The following AGAP1 variants were observed in gnomAD, a reference collection of about 807,000 sequenced individuals.
The protein encoded by AGAP1 is ArfGAP with GTPase domain, ankyrin repeat and PH domain 1, also known as arf-GAP with GTPase, ANK repeat and PH domain-containing protein 1.
A neutral mutation model predicts 105.3 loss-of-function variants in AGAP1; 29 were observed. The ratio of observed to expected loss-of-function variants is 0.28; its 90% CI spans 0.21 to 0.38. The LOEUF is 0.38. Ranked by LOEUF, AGAP1 falls within the 10% of genes least tolerant of loss-of-function variation. The pLI, the probability that AGAP1 is intolerant of heterozygous loss-of-function variation, is 1.00. For synonymous variants in AGAP1, 509 were observed against 485.9 expected, an observed-to-expected ratio of 1.05 and a Z score of -0.63; for missense variants, 998 against 1,165.1, an observed-to-expected ratio of 0.86 and a Z score of 2.09.
intron 1 of AGAP1, among the ~76,000 whole-genome samples, chr2:235,543,767 C>G (rs1270138508): frequency 6.6e-6 from 1 of 152,160 alleles, no homozygotes; most frequent in Admixed American, 6.5e-5. Context: ...AGGAACAGCA[C>G]GAGAGCTCCT....
intron 1 of AGAP1, among the ~76,000 whole-genome samples, chr2:235,591,765 T>C (rs908494337): frequency 1.3e-5 from 2 of 152,012 alleles, no homozygotes; most frequent in African/African-American, 2.4e-5. Flanking sequence ...AGAGGTCTGT[T>C]TTGTTTTGTT....
rs1952047913 is a variant in AGAP1 at position 235,733,161 on chromosome 2, A to G, written c.311-7802A>G. On this transcript the variant is annotated intron_variant, in intron 3 of 17. Transcript: ENST00000304032. This position sits in a 1 kb window ranked among gnomAD's most constrained non-coding sequence, Gnocchi z 5.0. ...CCATCCTGCGGGGTGGGAGGAATAT[A>G]TCATTGTTCCCCTTGAGGTGCCCCC... Among the ~76,000 whole-genome samples, 1 of 152,134 alleles carries G rather than the reference A, an allele frequency of 6.6e-6. No homozygotes were observed.
chr2:236,043,105 A>G (rs2057604383), intron 15 of AGAP1, among the ~76,000 whole-genome samples: 1 of 152,244 alleles, frequency 6.6e-6, no homozygotes. Flanking sequence ...CACATTGGCA[A>G]GGATTTGTTA....
Position 235,609,943 on chromosome 2 carries a change from C to G in AGAP1, c.164-99236C>G, listed in dbSNP as rs1246771393. ...GGTGCAGGGAGTGAGTGGCCAACCA[C>G]CTGAGAATACCTGGTGTTTCCTTCC... is the stretch of plus-strand genomic sequence containing the variant. On this transcript the variant is annotated intron_variant, in intron 1 of 17. Transcript: ENST00000304032. This position sits in a 1 kb window ranked among gnomAD's most constrained non-coding sequence, Gnocchi z 5.1. Among the ~76,000 whole-genome samples the G allele has an allele frequency of 2.0e-5, 3 of 152,058 alleles. No homozygotes were observed. Among genetic ancestry groups the G allele is most frequent in the African/African-American group, 7.2e-5 (3 of 41,408 alleles).
chr2:235,494,864 G>A lies in AGAP1; in HGVS notation c.163+15G>A, dbSNP rs1941240012. The A allele has an allele frequency of 1.9e-6, 3 of 1,556,218 alleles. No homozygotes were observed. The highest frequency in any genetic ancestry group is 2.6e-6 in the Non-Finnish European group (3 of 1,151,022). On this transcript the variant is annotated intron_variant, in intron 1 of 17. Coordinates refer to ENST00000304032, the MANE Select transcript of AGAP1 (RefSeq NM_001037131.3). ...CGCCATCGAAGGTGAGGGCCGGGCC[G>A]CCTTGGGGCCTCGGGAAGGCACGGA...
chr2:235,996,220 TAAC>T (rs1236070088), intron 13 of AGAP1, among the ~76,000 whole-genome samples: 1 of 152,188 alleles, frequency 6.6e-6, no homozygotes, highest in Admixed American at 6.5e-5. Flanking sequence ...TATCTGTAGT[TAAC>T]AACTCAAAGC....
intron 1 of AGAP1, among the ~76,000 whole-genome samples, chr2:235,703,394 G>C (rs1049749560): frequency 1.2e-4 from 19 of 152,130 alleles, no homozygotes; most frequent in Admixed American, 1.0e-3. Context: ...TGGGCAACGG[G>C]ACATCAATTC....
intron 8 of AGAP1, among the ~76,000 whole-genome samples, chr2:235,806,868 A>C (rs1247777421): frequency 6.6e-6 from 1 of 152,244 alleles, no homozygotes; most frequent in Non-Finnish European, 1.5e-5. Flanking sequence ...AGATTTTCCA[A>C]ATAAACATTG....
chr2:235,648,344 C>T (rs770069884), intron 1 of AGAP1, among the ~76,000 whole-genome samples: 28 of 152,306 alleles, frequency 1.8e-4, no homozygotes, highest in Non-Finnish European at 3.5e-4. Context: ...CTGCGGTGGG[C>T]TAGCTCCAGT....
rs574602991 is a variant in AGAP1, at chr2:235,725,684, T to A, written c.310+8040T>A. On this transcript the variant is annotated intron_variant, in intron 3 of 17. Transcript: ENST00000304032. This position sits in a 1 kb window ranked among gnomAD's most constrained non-coding sequence, Gnocchi z 5.7. ...TTGAGATGATGAGCCTGCTGCTATG[T>A]TGGTTTAATAGATAAAGCAGAAGTC... 2.0e-5 allele frequency among the ~76,000 whole-genome samples: 3 copies of A among 152,166 alleles called. No individual in the cohort carries two copies. Among genetic ancestry groups the A allele is most frequent in the Non-Finnish European group, 4.4e-5 (3 of 68,044 alleles).
intron 1 of AGAP1, among the ~76,000 whole-genome samples, chr2:235,706,804 C>G (rs1019508802): frequency 6.6e-6 from 1 of 152,214 alleles, no homozygotes; most frequent in Non-Finnish European, 1.5e-5. Context: ...TTGGAGTCAT[C>G]ATCATTGACC....
At position 235,962,413 on chromosome 2, in the gene AGAP1, G is replaced by A. The variant is rs375907373; in HGVS notation, c.1484-6049G>A. Reference sequence around the variant, plus strand: ...CAAGGGTGAGTTTCAAGTCGTGTGCGATGCTGCCCGGCTGTATAAGAAAAA... The same window carrying A: ...CAAGGGTGAGTTTCAAGTCGTGTGCAATGCTGCCCGGCTGTATAAGAAAAA... On this transcript the variant is annotated intron_variant, in intron 12 of 17. Coordinates refer to ENST00000304032, the MANE Select transcript of AGAP1 (RefSeq NM_001037131.3). The surrounding 1 kb of genome is among the most constrained non-coding windows in gnomAD (Gnocchi z 5.3). Among the ~76,000 whole-genome samples the A allele has an allele frequency of 6.6e-5, 10 of 152,228 alleles. No homozygotes were observed. The highest frequency in any genetic ancestry group is 2.2e-4 in the African/African-American group (9 of 41,548).
intron 9 of AGAP1, among the ~76,000 whole-genome samples, chr2:235,860,215 T>C (rs2048870856): frequency 6.6e-6 from 1 of 152,144 alleles, no homozygotes; most frequent in African/African-American, 2.4e-5. Flanking sequence ...CACTGAGAAA[T>C]AAAAAATATA....
At chr2:235,638,661 G>A (rs1303020749) in intron 1 of AGAP1, among the ~76,000 whole-genome samples, 1 of 152,190 alleles carries the variant, frequency 6.6e-6, no homozygotes, top group African/African-American at 2.4e-5. Flanking sequence ...AGGAGAACTA[G>A]GAGCCATCAT....
At chr2:235,892,409 C>A (rs1347985164) in intron 10 of AGAP1, among the ~76,000 whole-genome samples, 1 of 152,116 alleles carries the variant, frequency 6.6e-6, no homozygotes, top group Non-Finnish European at 1.5e-5. Flanking sequence ...TTTGTTCTTT[C>A]AAAGCCAGGG....
rs939874677 is a variant in AGAP1, at chr2:236,035,224, G to GA, written c.1646-1334dup. Among the ~76,000 whole-genome samples the GA allele has an allele frequency of 1.5e-4, 23 of 152,302 alleles. 1 individual carries two copies. The highest frequency in any genetic ancestry group is 4.8e-4 in the African/African-American group (20 of 41,572). ...TAAAGTGGTTGGCAGGCAGGTAGGT[G>GA]AAAGTCAGTACTAATAATAGTTGCT... On this transcript the variant is annotated intron_variant, in intron 13 of 17. Transcript: ENST00000304032. This position sits in a 1 kb window ranked among gnomAD's most constrained non-coding sequence, Gnocchi z 4.2.
At chr2:235,592,483 T>A (rs973701463) in intron 1 of AGAP1, among the ~76,000 whole-genome samples, 2 of 152,108 alleles carry the variant, frequency 1.3e-5, no homozygotes, top group Non-Finnish European at 2.9e-5. Context: ...AGGGCAGGGC[T>A]CCAGGAGAGG....
chr2:235,594,374 G>T (rs1320744636), intron 1 of AGAP1, among the ~76,000 whole-genome samples: 2 of 151,424 alleles, frequency 1.3e-5, no homozygotes, highest in African/African-American at 4.9e-5. Context: ...CTCCTCCTCT[G>T]TACTCTCCTT....
rs1233870694 is a variant in AGAP1, at chr2:235,719,250, G to A, written c.310+1606G>A. Among the ~76,000 whole-genome samples, 2 of 152,158 alleles carry A rather than the reference G, an allele frequency of 1.3e-5. No homozygotes were observed. Among genetic ancestry groups the A allele is most frequent in the East Asian group, 1.9e-4 (1 of 5,174 alleles). On this transcript the variant is annotated intron_variant, in intron 3 of 17. Transcript: ENST00000304032. The surrounding 1 kb of genome is among the most constrained non-coding windows in gnomAD (Gnocchi z 4.9). ...GGTGTCTGGTGGGGCAGCGCTGGAGGCCCTGGGTTTCTGGAGTAAGAACAA... is the reference window on the plus strand; with the variant it reads ...GGTGTCTGGTGGGGCAGCGCTGGAGACCCTGGGTTTCTGGAGTAAGAACAA...
Sources: allele counts gnomAD v4.1 joint callset (sites outside exome capture counted in the v4.1 genomes callset), GRCh38; gene constraint gnomAD v4.1.1; non-coding constraint Gnocchi (gnomAD v3.1); transcripts MANE v1.5; gene names NCBI Gene and HGNC (gene_info 2026-07-23, HGNC 2026-07-21).